Variants in ZNF292 observed in about 807,000 individuals in gnomAD.
ZNF292 encodes the protein zinc finger protein 292, also known as 16 zinc-finger domain protein.
A neutral mutation model predicts 217.9 loss-of-function variants in ZNF292; 26 were observed. The ratio of observed to expected loss-of-function variants is 0.12; its 90% CI spans 0.09 to 0.17. The LOEUF (loss-of-function observed/expected upper bound fraction) is 0.17. Ranked by LOEUF, ZNF292 falls within the 10% of genes least tolerant of loss-of-function variation. The pLI, the probability that ZNF292 is intolerant of heterozygous loss-of-function variation, is 1.00. For missense variants in ZNF292, 2,904 were observed against 3,175.2 expected, an observed-to-expected ratio of 0.91 and a Z score of 2.05; for synonymous variants, 1,257 against 1,124.1, an observed-to-expected ratio of 1.12 and a Z score of -2.37.
intron 1 of ZNF292, among the ~76,000 whole-genome samples, chr6:87,156,265 C>T (rs901283358): frequency 6.6e-6 from 1 of 152,190 alleles, no homozygotes; most frequent in Non-Finnish European, 1.5e-5. Flanking sequence ...GTCTCCGGGC[C>T]TTTGTTGTTC....
rs769502246 is a variant in ZNF292 at position 87,257,436 on chromosome 6, T to C, written c.3807T>C (p.Ser1269=). ...SDPFLPLPAE[S]SSMSLFPSPA... ...CTTTCCTTCCTTTACCTGCAGAAAG[T>C]AGTTCAATGTCTCTCTTCCCTTCAC... Residue 1269 remains serine (S), a synonymous_variant, in exon 8 of 8, where the codon AGT becomes AGC. Coordinates refer to ENST00000369577, the MANE Select transcript of ZNF292 (RefSeq NM_015021.3). The C allele has an allele frequency of 1.2e-4, 191 of 1,613,414 alleles. 1 individual carries two copies. The highest frequency in any genetic ancestry group is 6.0e-4 in the South Asian group (55 of 91,004).
chr6:87,183,388 A>C (rs1185627691), intron 1 of ZNF292, among the ~76,000 whole-genome samples: 1 of 152,162 alleles, frequency 6.6e-6, no homozygotes, highest in Non-Finnish European at 1.5e-5. Flanking sequence ...AAATTCAAGC[A>C]TATTGTATCT....
At chr6:87,252,861 G>C (rs1774998186) in intron 7 of ZNF292, among the ~76,000 whole-genome samples, 1 of 151,864 alleles carries the variant, frequency 6.6e-6, no homozygotes, top group Admixed American at 6.6e-5. Context: ...ACACCCATAT[G>C]GTCCCACTTC....
rs906968389 is a variant in ZNF292 at position 87,254,721 on chromosome 6, T to C, written c.1092T>C (p.Asn364=). 6.2e-7 allele frequency: 1 copy of C among 1,613,944 alleles called. No individual in the cohort carries two copies. The highest frequency in any genetic ancestry group is 8.5e-7 in the Non-Finnish European group (1 of 1,179,840). ...CTCTTCGCTTGGAGTCTACAGAAAA[T>C]ACTGAAGTGAAAATATCTATTTGCA... The part of the protein sequence containing the change: ...VKALRLESTE[N]TEVKISICKT... Residue 364 remains asparagine, a synonymous_variant, in exon 8 of 8, where the codon AAT becomes AAC. Coordinates refer to ENST00000369577, the MANE Select transcript of ZNF292 (RefSeq NM_015021.3).
chr6:87,159,502 T>C (rs1052411158), intron 1 of ZNF292, among the ~76,000 whole-genome samples: 1 of 143,382 alleles, frequency 7.0e-6, no homozygotes, highest in African/African-American at 2.7e-5. Context: ...TTTCTTTTTT[T>C]TTTTTTTTTT....
chr6:87,222,317 C>T (rs993310204), intron 4 of ZNF292, among the ~76,000 whole-genome samples: 2 of 152,176 alleles, frequency 1.3e-5, no homozygotes, highest in Non-Finnish European at 2.9e-5. Context: ...GTTCTTACAT[C>T]CATATCCGTT....
Position 87,160,568 on chromosome 6 carries a change from G to A in ZNF292, c.168+4809G>A, listed in dbSNP as rs112126469. Among the ~76,000 whole-genome samples, 547 of 151,020 alleles carry A rather than the reference G, an allele frequency of 3.6e-3. 2 individuals are homozygous for A. Among genetic ancestry groups the A allele is most frequent in the African/African-American group, 0.013 (526 of 40,858 alleles). ...GTTACAGAGGATATAAGATACAGGA[G>A]ACTCTAATAAAAAAATATGTTTGTG... On this transcript the variant is annotated intron_variant, in intron 1 of 7. Coordinates refer to ENST00000369577, the MANE Select transcript of ZNF292 (RefSeq NM_015021.3).
chr6:87,248,125 T>G (rs1244090858), intron 7 of ZNF292, among the ~76,000 whole-genome samples: 1 of 152,228 alleles, frequency 6.6e-6, no homozygotes, highest in Non-Finnish European at 1.5e-5. Context: ...CCAAAGGTGC[T>G]ACCATTGTGT....
chr6:87,244,847 A>G (rs1000356424), intron 6 of ZNF292, among the ~76,000 whole-genome samples: 1 of 152,108 alleles, frequency 6.6e-6, no homozygotes, highest in African/African-American at 2.4e-5. Flanking sequence ...TTATATATAC[A>G]CATGCACACA....
chr6:87,255,829 G>A lies in ZNF292; in HGVS notation c.2200G>A (p.Val734Ile), dbSNP rs764692798. The A allele has an allele frequency of 1.9e-6, 3 of 1,613,802 alleles. No individual in the cohort carries two copies. In the South Asian group the frequency reaches 3.3e-5, roughly 18 times the overall value. Residue 734 changes from valine to isoleucine, a missense_variant, in exon 8 of 8, where the codon GTT (valine) becomes ATT (isoleucine). This residue lies in a region of ZNF292 where 216 missense variants were observed against 308.3 expected (regional missense o/e 0.70). Transcript: ENST00000369577. ...CQYCRRHFVSVTHLNDHLQMH... is the reference protein window; with the variant it reads ...CQYCRRHFVSITHLNDHLQMH... Reference sequence around the variant, plus strand: ...GTACTGTAGGCGGCATTTTGTGAGTGTTACTCATCTCAATGATCACTTACA... The same window carrying A: ...GTACTGTAGGCGGCATTTTGTGAGTATTACTCATCTCAATGATCACTTACA...
Position 87,261,309 on chromosome 6 carries a change from C to A in ZNF292, c.7680C>A (p.Ser2560Arg). ...CAGCATCAGCAGCTGAGTTAAGTAG[C>A]GTGCGTAAAGAAGAAGAAACTGCTG... The part of the protein sequence containing the change: ...AEPASAAELS[S>R]VRKEEETAVA... Residue 2560 changes from serine to arginine, a missense_variant, in exon 8 of 8, where the codon AGC becomes AGA. By Grantham distance (110) the Ser-to-Arg change is moderately radical. Transcript: ENST00000369577. The A allele has an allele frequency of 6.2e-7, 1 of 1,613,318 alleles. No homozygotes were observed. Among genetic ancestry groups the A allele is most frequent in the Non-Finnish European group, 8.5e-7 (1 of 1,179,634 alleles).
At position 87,155,582 on chromosome 6, in the gene ZNF292, G is replaced by C. The variant is rs1435458103; in HGVS notation, c.-10G>C. On this transcript the variant is annotated 5_prime_UTR_variant, in exon 1 of 8. Transcript: ENST00000369577. ...ACCCAGGTGCGTACGCGACGGAGCG[G>C]GGTGTGAAGATGGCGGACGAAGAGG... 1 of 1,574,106 alleles carries C rather than the reference G, an allele frequency of 6.4e-7. No individual in the cohort carries two copies. The highest frequency in any genetic ancestry group is 2.3e-5 in the East Asian group (1 of 42,840).
rs565551080 is a variant in ZNF292, at chr6:87,214,955, G to C, written c.169-948G>C. ...TGCTTCTGTATGCCAGAGGATACAG[G>C]CCCTCAGGAAATTTTTTTTTCCTTC... On this transcript the variant is annotated intron_variant, in intron 1 of 7. Transcript: ENST00000369577. The C allele has an allele frequency of 4.0e-5, 6 of 151,734 alleles. 2 individuals carry two copies. The highest frequency in any genetic ancestry group is 1.2e-4 in the African/African-American group (5 of 41,316). The allele number at this position is 151,734 out of a possible 1,614,324, so 9.4% of individuals were successfully genotyped here.
At position 87,258,296 on chromosome 6, in the gene ZNF292, C is replaced by G; in HGVS notation, c.4667C>G (p.Ser1556Cys). 1 of 1,613,448 alleles carries G rather than the reference C, an allele frequency of 6.2e-7. No individual in the cohort carries two copies. The highest frequency in any genetic ancestry group is 8.5e-7 in the Non-Finnish European group (1 of 1,179,718). The change falls in exon 8 of 8, where the codon TCC becomes TGC. Residue 1556 changes from serine to cysteine, a missense_variant. By Grantham distance (112) the Ser-to-Cys change is moderately radical. Coordinates refer to ENST00000369577, the MANE Select transcript of ZNF292 (RefSeq NM_015021.3). ...LLTNQNRTSNSKTSSIEECSS... is the reference protein window; with the variant it reads ...LLTNQNRTSNCKTSSIEECSS... ...ACCAACCAGAATAGGACGTCAAACT[C>G]CAAAACTTCCTCCATTGAGGAATGT...
chr6:87,173,967 AG>A, intron 1 of ZNF292: 2 of 258,278 alleles, frequency 7.7e-6, no homozygotes, highest in South Asian at 9.8e-5. Flanking sequence ...ACCCTGGTTC[AG>A]GGCAGAAAAT....
intron 1 of ZNF292, among the ~76,000 whole-genome samples, chr6:87,211,053 A>G (rs983137291): frequency 3.3e-5 from 5 of 152,346 alleles, no homozygotes; most frequent in Admixed American, 6.5e-5. Flanking sequence ...TAGTTTATGA[A>G]CACACACATA....
intron 3 of ZNF292, among the ~76,000 whole-genome samples, chr6:87,218,161 C>CAG (rs1221353839): frequency 2.0e-5 from 3 of 152,044 alleles, no homozygotes; most frequent in African/African-American, 7.2e-5. Flanking sequence ...TAGTTATTTT[C>CAG]TTTTTGTAAT....
chr6:87,179,716 C>A (rs1356853315), intron 1 of ZNF292, among the ~76,000 whole-genome samples: 1 of 151,950 alleles, frequency 6.6e-6, no homozygotes, highest in Non-Finnish European at 1.5e-5. Context: ...TTTTTTCCTG[C>A]TGTACTTCAG....
Position 87,256,664 on chromosome 6 carries a change from A to T in ZNF292, c.3035A>T (p.Lys1012Ile). 1 of 1,613,544 alleles carries T rather than the reference A, an allele frequency of 6.2e-7. No homozygotes were observed. Among genetic ancestry groups the T allele is most frequent in the Non-Finnish European group, 8.5e-7 (1 of 1,179,828 alleles). Residue 1012 changes from lysine to isoleucine, a missense_variant, in exon 8 of 8, where the codon AAA becomes ATA. This residue lies in a region of ZNF292 where 687 missense variants were observed against 623.0 expected (regional missense o/e 1.10). Coordinates refer to ENST00000369577, the MANE Select transcript of ZNF292 (RefSeq NM_015021.3). ...TCTTTAGTAAATTCAGAAACTCTCAAAATAGGTGACCTTACCCCACAAAAC... is the reference window on the plus strand; with the variant it reads ...TCTTTAGTAAATTCAGAAACTCTCATAATAGGTGACCTTACCCCACAAAAC... Reference protein sequence around the residue: ...QNSLVNSETLKIGDLTPQNLE... With the variant: ...QNSLVNSETLIIGDLTPQNLE...
Sources: allele counts gnomAD v4.1 joint callset (sites outside exome capture counted in the v4.1 genomes callset), GRCh38; gene constraint gnomAD v4.1.1; regional missense constraint gnomAD v4.1.1; transcripts MANE v1.5; gene names NCBI Gene and HGNC (gene_info 2026-07-23, HGNC 2026-07-21).